The following TBC1D28 variants were observed in gnomAD, a reference collection of about 807,000 sequenced individuals.
TBC1D28 encodes TBC1 domain family, member 28.
Under a neutral mutation model 29.2 loss-of-function variants are expected in TBC1D28, and 20 were observed. That is an observed-to-expected ratio of 0.68 (90% CI 0.48 to 0.99). The LOEUF (loss-of-function observed/expected upper bound fraction) is 0.99, where lower values mean the gene tolerates loss of function less well. Ranked by LOEUF, TBC1D28 falls within the 50% of genes least tolerant of loss-of-function variation. The pLI is 0.00. For missense variants in TBC1D28, 205 were observed against 243.7 expected, an observed-to-expected ratio of 0.84 and a Z score of 1.06; for synonymous variants, 65 against 90.9, an observed-to-expected ratio of 0.71 and a Z score of 1.62.
chr17:18,637,150 C>T (rs769866219), intron 8 of TBC1D28, among the ~76,000 whole-genome samples: 42 of 140,440 alleles, frequency 3.0e-4, no homozygotes, highest in Non-Finnish European at 2.3e-4. Context: ...CATCTAAGAT[C>T]CACCCATGTT....
chr17:18,638,610 C>T lies in TBC1D28; in HGVS notation c.279+11G>A. The T allele has an allele frequency of 1.9e-6, 3 of 1,614,244 alleles. No homozygotes were observed. The highest frequency in any genetic ancestry group is 2.5e-6 in the Non-Finnish European group (3 of 1,180,044). On this transcript the variant is annotated intron_variant, in intron 6 of 8. Coordinates refer to ENST00000345096, the Ensembl canonical transcript of TBC1D28. ...AGAGCAGTCACGGGGGCCGCTTCCT[C>T]CCCATGTTACCTTCTTGGTGCTCCT...
exon 1 of TBC1D28, chr17:18,641,853 A>G (rs1213994965): frequency 5.6e-6 from 1 of 177,734 alleles, no homozygotes; most frequent in Non-Finnish European, 1.2e-5. Flanking sequence ...CCCTTCAGGA[A>G]CAACGCCAGC....
chr17:18,643,982 G>A (rs2031886079), upstream of TBC1D28, among the ~76,000 whole-genome samples: 1 of 152,168 alleles, frequency 6.6e-6, no homozygotes, highest in African/African-American at 2.4e-5. Flanking sequence ...AGAAAACCCT[G>A]GGCAGATTTG....
At chr17:18,638,859 G>T in intron 5 of TBC1D28, 158 bp from the exon 7 acceptor site, 1 of 962,858 alleles carries the variant, frequency 1.0e-6, no homozygotes, top group Non-Finnish European at 1.5e-6. Context: ...AGGAACTGGA[G>T]CTGGTAGTCT....
At chr17:18,634,462 A>G (rs2031382811), downstream of TBC1D28, among the ~76,000 whole-genome samples, 1 of 151,944 alleles carries the variant, frequency 6.6e-6, no homozygotes, top group Non-Finnish European at 1.5e-5. Context: ...TATTACCTCA[A>G]GAAAAAGATC....
At chr17:18,636,356 T>C in exon 9 of TBC1D28, 1 of 1,526,750 alleles carries the variant, frequency 6.5e-7, no homozygotes, top group Non-Finnish European at 8.7e-7. Flanking sequence ...ATCTGAGATG[T>C]GGTGATTGGG....
chr17:18,635,437 A>T (rs1178899126), exon 9 of TBC1D28: 2 of 700,536 alleles, frequency 2.9e-6, no homozygotes, highest in Non-Finnish European at 3.5e-6. Flanking sequence ...TCCCTAACAA[A>T]CCCAACACCC....
intron 8 of TBC1D28, 22 bp from the exon 10 acceptor site, chr17:18,636,619 GT>G: frequency 6.3e-7 from 1 of 1,599,616 alleles, no homozygotes; most frequent in Middle Eastern, 1.7e-4. Flanking sequence ...GGGAAAGAGG[GT>G]TTTGTTTTTT....
At chr17:18,636,361 A>G in exon 9 of TBC1D28, 1 of 1,538,116 alleles carries the variant, frequency 6.5e-7, no homozygotes. Flanking sequence ...AGATGTGGTG[A>G]TTGGGTCCAT....
At chr17:18,636,630 T>C (rs758040024) in intron 8 of TBC1D28, 33 bp from the exon 10 acceptor site, 18 of 1,601,826 alleles carry the variant, frequency 1.1e-5, no homozygotes, top group Non-Finnish European at 1.5e-5. Flanking sequence ...TTTTGTTTTT[T>C]TTGTGCAGAC....
rs1329459753 is a variant in TBC1D28, at chr17:18,635,616, G to A, written c.*846C>T. On this transcript the variant is annotated 3_prime_UTR_variant, in exon 9 of 9. Transcript: ENST00000345096. ...GCAGAACTGATCAGACCAATGCTGAGCAAAAGGCCTGAAGAAGACCATCTG... is the reference window on the plus strand; with the variant it reads ...GCAGAACTGATCAGACCAATGCTGAACAAAAGGCCTGAAGAAGACCATCTG... 2.9e-6 allele frequency: 3 copies of A among 1,018,550 alleles called. No individual in the cohort carries two copies. The African/African-American group carries it at 5.1e-5, about 17-fold the overall frequency. 63.1% of individuals were successfully genotyped at this position (1,018,550 alleles called of 1,614,324 possible). A position where few individuals can be genotyped will look rare whatever the true frequency, so the allele number is the denominator to read the frequency against.
At chr17:18,642,152 T>A (rs1369200055) in exon 1 of TBC1D28, 3 of 152,240 alleles carry the variant, frequency 2.0e-5, no homozygotes, top group Admixed American at 2.0e-4. Context: ...AGGGTTCCAG[T>A]CCCCAAGCCT....
downstream of TBC1D28, among the ~76,000 whole-genome samples, chr17:18,634,788 C>CGCCCCACA (rs2031398440): frequency 1.3e-5 from 2 of 150,066 alleles, no homozygotes; most frequent in South Asian, 4.2e-4. Flanking sequence ...CCAGGCTGCC[C>CGCCCCACA]GCCCCTCAGC....
At position 18,636,414 on chromosome 17, in the gene TBC1D28, C is replaced by T. The variant is rs368360067; in HGVS notation, c.*48G>A. On this transcript the variant is annotated 3_prime_UTR_variant, in exon 9 of 9. Transcript: ENST00000345096. Reference sequence around the variant, plus strand: ...GGCTTCAACCCTTTTCTGCCAGCAGCGAGCTGAAGTCCTGCCTACTACGTC... The same window carrying T: ...GGCTTCAACCCTTTTCTGCCAGCAGTGAGCTGAAGTCCTGCCTACTACGTC... 540 of 1,599,616 alleles carry T rather than the reference C, an allele frequency of 3.4e-4. 8 individuals are homozygous for T. In the Middle Eastern group the frequency reaches 5.4e-3, roughly 16 times the overall value.
Position 18,638,087 on chromosome 17 carries a change from T to G in TBC1D28, c.388-114A>C, listed in dbSNP as rs899443575. ...TCTGGAAGGAAGGAAGGAAGGAAGG[T>G]TTCCTTCTGCAGAAAGCTCCTTTTT... On this transcript the variant is annotated intron_variant, in intron 7 of 8. Transcript: ENST00000345096. 287 of 1,539,866 alleles carry G rather than the reference T, an allele frequency of 1.9e-4. 1 individual carries two copies. Among genetic ancestry groups the G allele is most frequent in the Non-Finnish European group, 2.4e-4 (272 of 1,116,914 alleles).
chr17:18,644,363 T>A (rs538567462), upstream of TBC1D28: 1 of 152,334 alleles, frequency 6.6e-6, no homozygotes, highest in African/African-American at 2.4e-5. Context: ...CCTCTATGTC[T>A]TATCTCTAAG....
chr17:18,637,200 T>C (rs1383380589), intron 8 of TBC1D28, among the ~76,000 whole-genome samples: 3 of 133,284 alleles, frequency 2.3e-5, no homozygotes, highest in Admixed American at 8.0e-5. Flanking sequence ...CCTCACTGAG[T>C]CGCCTCTGTC....
At chr17:18,640,642 G>A (rs1443274599) in intron 4 of TBC1D28, among the ~76,000 whole-genome samples, 3 of 132,834 alleles carry the variant, frequency 2.3e-5, no homozygotes, top group Admixed American at 1.5e-4. Flanking sequence ...CTGCCCAGAG[G>A]CCAGGCCAGG....
At chr17:18,636,650 T>A (rs1488251094) in intron 8 of TBC1D28, 53 bp from the exon 10 acceptor site, 35 of 1,585,954 alleles carry the variant, frequency 2.2e-5, no homozygotes, top group Non-Finnish European at 2.9e-5. Context: ...CGCTGTCAAT[T>A]TCATTTTGTC....
Sources: gnomAD v4.1 joint callset for allele counts (sites outside exome capture counted in the v4.1 genomes callset) on GRCh38, gnomAD v4.1.1 for gene constraint, MANE v1.5 for transcripts, NCBI Gene and HGNC (gene_info 2026-07-23, HGNC 2026-07-21) for gene names.